SPOCK1: variants seen among roughly 807,000 people sequenced by gnomAD.
SPOCK1 encodes testican-1.
Under a neutral mutation model 55.3 loss-of-function variants are expected in SPOCK1, and 23 were observed. The observed-to-expected ratio is 0.42, with a 90% confidence interval of 0.30 to 0.59. SPOCK1 has a LOEUF of 0.59. SPOCK1 is among the 20% of genes least tolerant of loss of function. The pLI is 0.22. For synonymous variants in SPOCK1, 226 were observed against 221.0 expected (o/e 1.02, Z -0.20); for missense variants, 499 against 552.5 (o/e 0.90, Z 0.97).
chr5:137,191,687 G>C (rs1431024493), intron 3 of SPOCK1, among the ~76,000 whole-genome samples: 2 of 152,096 alleles, frequency 1.3e-5, no homozygotes, highest in Non-Finnish European at 2.9e-5. Flanking sequence ...TTTCATAATA[G>C]AAAATGGCAC....
At chr5:137,076,463 A>T (rs1208273222) in intron 5 of SPOCK1, among the ~76,000 whole-genome samples, 1 of 152,176 alleles carries the variant, frequency 6.6e-6, no homozygotes. Context: ...TAACCAACAA[A>T]CATCATAGCT....
chr5:137,449,212 A>G (rs564438066), intron 2 of SPOCK1, among the ~76,000 whole-genome samples: 1 of 152,310 alleles, frequency 6.6e-6, no homozygotes, highest in South Asian at 2.1e-4. Context: ...CCAAGGGCCC[A>G]ATACCTTCTG....
intron 3 of SPOCK1, among the ~76,000 whole-genome samples, chr5:137,173,286 C>G (rs1754789470): frequency 6.6e-6 from 1 of 152,112 alleles, no homozygotes; most frequent in Admixed American, 6.5e-5. Context: ...TTAGAGTTGA[C>G]CTTTTCCAAT....
At chr5:137,381,486 A>G (rs1024912662) in intron 2 of SPOCK1, among the ~76,000 whole-genome samples, 15 of 152,206 alleles carry the variant, frequency 9.9e-5, no homozygotes, top group East Asian at 1.9e-4. Context: ...TTCTGCCTAA[A>G]CATCCAGGCA....
intron 2 of SPOCK1, among the ~76,000 whole-genome samples, chr5:137,495,332 C>T (rs1580959293): frequency 6.6e-6 from 1 of 152,192 alleles, no homozygotes; most frequent in Admixed American, 6.5e-5. Context: ...GGATATGGAA[C>T]ACGCACCCCA....
At chr5:137,253,253 C>T (rs1756571195) in intron 3 of SPOCK1, among the ~76,000 whole-genome samples, 1 of 152,210 alleles carries the variant, frequency 6.6e-6, no homozygotes, top group Admixed American at 6.5e-5. Context: ...TGAAGCTCTA[C>T]AATGAGTGGG....
intron 5 of SPOCK1, among the ~76,000 whole-genome samples, chr5:137,070,033 A>G (rs1752582475): frequency 6.6e-6 from 1 of 152,118 alleles, no homozygotes; most frequent in South Asian, 2.1e-4. Context: ...AGGAGGGTCA[A>G]CTTTCCCACC....
At chr5:137,315,741 C>T (rs916134634) in intron 2 of SPOCK1, among the ~76,000 whole-genome samples, 1 of 152,198 alleles carries the variant, frequency 6.6e-6, no homozygotes, top group African/African-American at 2.4e-5. Context: ...ACTAGCAAGG[C>T]AGGCAGGCTG....
At chr5:137,316,619 T>C (rs900774713) in intron 2 of SPOCK1, among the ~76,000 whole-genome samples, 2 of 152,164 alleles carry the variant, frequency 1.3e-5, no homozygotes, top group Non-Finnish European at 2.9e-5. Context: ...GCAGGAGTAT[T>C]TTTGGATGCC....
intron 6 of SPOCK1, among the ~76,000 whole-genome samples, chr5:137,052,725 T>C (rs193073572): frequency 1.4e-3 from 215 of 152,258 alleles, no homozygotes; most frequent in African/African-American, 4.8e-3. Flanking sequence ...GAATAATTGA[T>C]GATATGGGAA....
intron 6 of SPOCK1, among the ~76,000 whole-genome samples, chr5:137,017,515 T>C (rs1262336427): frequency 6.6e-6 from 1 of 152,220 alleles, no homozygotes; most frequent in Non-Finnish European, 1.5e-5. Context: ...TTAAAAACTA[T>C]AATATTGCAA....
At position 137,498,533 on chromosome 5, in the gene SPOCK1, G is replaced by T; in HGVS notation, c.26C>A (p.Ala9Glu). The change falls in exon 2 of 11, where the codon GCG (alanine) becomes GAG (glutamate). Residue 9 changes from alanine to glutamate, a missense_variant. Physicochemically the swap from Ala to Glu is moderately radical, Grantham distance 107. This residue lies in a region of SPOCK1 where 386 missense variants were observed against 400.6 expected (regional missense o/e 0.96). Coordinates refer to ENST00000394945, the MANE Select transcript of SPOCK1 (RefSeq NM_004598.4). ...GAGGAAGCACCACGCCGCGGCGGCC[G>T]CCGCCAACACCGCGATCGCCGGCAT... MPAIAVLAAAAAAWCFLQV... is the reference protein window; with the variant it reads MPAIAVLAEAAAAWCFLQV... The T allele has an allele frequency of 6.5e-7, 1 of 1,541,372 alleles. No individual in the cohort carries two copies. The highest frequency in any genetic ancestry group is 8.7e-7 in the Non-Finnish European group (1 of 1,150,780).
intron 6 of SPOCK1, among the ~76,000 whole-genome samples, chr5:137,039,623 G>A (rs1388267595): frequency 1.3e-5 from 2 of 152,172 alleles, no homozygotes; most frequent in Non-Finnish European, 2.9e-5. Context: ...CCATGGGCAG[G>A]GCCCACACCA....
Position 137,398,213 on chromosome 5 carries a change from T to C in SPOCK1, c.186+100160A>G, listed in dbSNP as rs1280672678. Among the ~76,000 whole-genome samples, 12 of 152,232 alleles carry C rather than the reference T, an allele frequency of 7.9e-5. No individual in the cohort carries two copies. In the East Asian group the frequency reaches 1.9e-3, roughly 25 times the overall value. On this transcript the variant is annotated intron_variant, in intron 2 of 10. Coordinates refer to ENST00000394945, the MANE Select transcript of SPOCK1 (RefSeq NM_004598.4). ...TGCAAACCTTAGTGAGGAAGCCTCA[T>C]TAGCTGATGGGTTGCAATGAGGTGG...
intron 5 of SPOCK1, among the ~76,000 whole-genome samples, chr5:137,103,671 TG>T (rs1179573957): frequency 6.6e-6 from 1 of 152,248 alleles, no homozygotes; most frequent in Non-Finnish European, 1.5e-5. Context: ...CTGTTTAATT[TG>T]GGTTTTTGTT....
intron 5 of SPOCK1, among the ~76,000 whole-genome samples, chr5:137,101,289 T>A (rs772812689): frequency 3.3e-5 from 5 of 152,270 alleles, no homozygotes; most frequent in Non-Finnish European, 1.5e-5. Flanking sequence ...AAAGGATTGG[T>A]AGGCAGAGAT....
In SPOCK1 at chr5:137,186,081, C is replaced by T. The variant is rs1055015938; in HGVS notation, c.233-45387G>A. ...AATTCCTGTCCTCACAAGCACAAAG[C>T]CTTCTGAAAATCCTGATCTGGAGGT... On this transcript the variant is annotated intron_variant, in intron 3 of 10. Transcript: ENST00000394945. Among the ~76,000 whole-genome samples, 4 of 152,174 alleles carry T rather than the reference C, an allele frequency of 2.6e-5. No homozygotes were observed. In the East Asian group the frequency reaches 5.8e-4, roughly 22 times the overall value.
chr5:137,199,786 C>G (rs1239913671), intron 3 of SPOCK1, among the ~76,000 whole-genome samples: 2 of 152,134 alleles, frequency 1.3e-5, no homozygotes, highest in Non-Finnish European at 2.9e-5. Context: ...TGATGACTCC[C>G]AAAGCTTTTA....
At chr5:137,222,442 G>C (rs1755873605) in intron 3 of SPOCK1, among the ~76,000 whole-genome samples, 1 of 152,042 alleles carries the variant, frequency 6.6e-6, no homozygotes, top group Non-Finnish European at 1.5e-5. Flanking sequence ...AGATCATCAG[G>C]GATAATTATC....
Sources: allele counts gnomAD v4.1 joint callset (sites outside exome capture counted in the v4.1 genomes callset), GRCh38; gene constraint gnomAD v4.1.1; regional missense constraint gnomAD v4.1.1; transcripts MANE v1.5; gene names NCBI Gene and HGNC (gene_info 2026-07-23, HGNC 2026-07-21).